Variants in ST6GALNAC3 observed in about 807,000 individuals in gnomAD.
The protein encoded by ST6GALNAC3 is ST6 N-acetylgalactosaminide alpha-2,6-sialyltransferase 3.
Under a neutral mutation model 32.7 loss-of-function variants are expected in ST6GALNAC3, and 25 were observed. The observed-to-expected ratio is 0.76, with a 90% CI of 0.56 to 1.07. ST6GALNAC3 has a LOEUF of 1.07. Among genes scored for constraint, ST6GALNAC3 ranks in the 50% least tolerant of loss-of-function variants. The pLI, the probability that ST6GALNAC3 is intolerant of heterozygous loss-of-function variation, is 0.00. For missense variants in ST6GALNAC3, 355 were observed against 382.4 expected (o/e 0.93, Z 0.60); for synonymous variants, 129 against 133.1 (o/e 0.97, Z 0.21).
chr1:76,077,262 T>A (rs563289358), intron 1 of ST6GALNAC3, among the ~76,000 whole-genome samples: 1 of 152,248 alleles, frequency 6.6e-6, no homozygotes, highest in East Asian at 1.9e-4. Flanking sequence ...TATGGACTTT[T>A]TTTTTTTTAA....
In ST6GALNAC3 at chr1:76,183,849, T is replaced by C. The variant is rs963752358; in HGVS notation, c.18+108965T>C. 1.9e-3 allele frequency among the ~76,000 whole-genome samples: 148 copies of C among 76,538 alleles called. 1 individual carries two copies. In the Middle Eastern group the frequency reaches 0.039, roughly 20 times the overall value. 50.2% of individuals were successfully genotyped at this position (76,538 alleles called of 152,430 possible). ...CTGTTGTTGACCAAAATGTAGTGCA[T>C]GAATATATATATATATATATATATG... On this transcript the variant is annotated intron_variant, in intron 1 of 4. Transcript: ENST00000328299.
intron 3 of ST6GALNAC3, among the ~76,000 whole-genome samples, chr1:76,467,732 G>A (rs989447260): frequency 6.6e-6 from 1 of 151,618 alleles, no homozygotes; most frequent in Non-Finnish European, 1.5e-5. Context: ...CCTATACTGT[G>A]CATTACTAAA....
chr1:76,195,856 T>A (rs1477704223), intron 1 of ST6GALNAC3, among the ~76,000 whole-genome samples: 2 of 151,812 alleles, frequency 1.3e-5, no homozygotes, highest in African/African-American at 4.8e-5. Flanking sequence ...GACTGTACAG[T>A]TCAAGAATTA....
At position 76,604,257 on chromosome 1, in the gene ST6GALNAC3, C is replaced by T. The variant is rs186633753; in HGVS notation, c.624-23195C>T. On this transcript the variant is annotated intron_variant, in intron 3 of 4. Coordinates refer to ENST00000328299, the MANE Select transcript of ST6GALNAC3 (RefSeq NM_152996.4). ...TCTCTAGAATATGTTCTGTGAAACACCAGACGTTAAAGGTTCTGTAATCAA... is the reference window on the plus strand; with the variant it reads ...TCTCTAGAATATGTTCTGTGAAACATCAGACGTTAAAGGTTCTGTAATCAA... Among the ~76,000 whole-genome samples, 195 of 152,246 alleles carry T rather than the reference C, an allele frequency of 1.3e-3. 2 individuals carry two copies. The South Asian group carries it at 0.023, about 18-fold the overall frequency.
intron 2 of ST6GALNAC3, among the ~76,000 whole-genome samples, chr1:76,399,618 T>C (rs963462567): frequency 6.6e-6 from 1 of 152,160 alleles, no homozygotes; most frequent in Admixed American, 6.5e-5. Context: ...AGAAATCTTG[T>C]GGTATTTGGG....
chr1:76,243,072 C>T (rs1401934125), intron 1 of ST6GALNAC3, among the ~76,000 whole-genome samples: 2 of 152,214 alleles, frequency 1.3e-5, no homozygotes, highest in Non-Finnish European at 2.9e-5. Context: ...TTCCCACCAA[C>T]AGTGTAAAAG....
intron 1 of ST6GALNAC3, among the ~76,000 whole-genome samples, chr1:76,208,896 GTC>G (rs1654983508): frequency 1.3e-5 from 2 of 151,990 alleles, no homozygotes; most frequent in Non-Finnish European, 2.9e-5. Flanking sequence ...ATTTTATAAG[GTC>G]TCTCTTGCTC....
intron 2 of ST6GALNAC3, among the ~76,000 whole-genome samples, chr1:76,397,145 G>T (rs1653028845): frequency 6.6e-6 from 1 of 152,012 alleles, no homozygotes; most frequent in African/African-American, 2.4e-5. Flanking sequence ...AGGAATGAAT[G>T]ACTCCAAAGC....
At chr1:76,565,480 C>A (rs748796032) in intron 3 of ST6GALNAC3, among the ~76,000 whole-genome samples, 4 of 152,124 alleles carry the variant, frequency 2.6e-5, no homozygotes, top group Non-Finnish European at 5.9e-5. Flanking sequence ...ATAGCAGGTC[C>A]TTCCGTTTTC....
chr1:76,124,608 C>T (rs551887586), intron 1 of ST6GALNAC3, among the ~76,000 whole-genome samples: 36 of 152,276 alleles, frequency 2.4e-4, no homozygotes, highest in African/African-American at 8.4e-4. Flanking sequence ...GCAACAAACA[C>T]GGGGTCAGCC....
chr1:76,303,670 T>G (rs1660864481), intron 1 of ST6GALNAC3, among the ~76,000 whole-genome samples: 1 of 152,096 alleles, frequency 6.6e-6, no homozygotes, highest in South Asian at 2.1e-4. Context: ...CATTCCATGA[T>G]ATAGGATTCT....
At chr1:76,493,483 T>A (rs903714042) in intron 3 of ST6GALNAC3, among the ~76,000 whole-genome samples, 3 of 152,238 alleles carry the variant, frequency 2.0e-5, no homozygotes, top group Non-Finnish European at 2.9e-5. Context: ...GATTTTGCAC[T>A]GTGATCTCAA....
chr1:76,126,821 G>C (rs144195252), intron 1 of ST6GALNAC3, among the ~76,000 whole-genome samples: 160 of 152,258 alleles, frequency 1.1e-3, no homozygotes, highest in African/African-American at 3.6e-3. Context: ...GGGCTTTCAG[G>C]CATCCCCAGG....
rs12407614 is a variant in ST6GALNAC3 at position 76,520,990 on chromosome 1, T to A, written c.624-106462T>A. On this transcript the variant is annotated intron_variant, in intron 3 of 4. Transcript: ENST00000328299. ...CCTACCTGATCTTTTTTAAATGCCT[T>A]TGGTTTTTCTTTCTTTTAGATTAAT... 3.8e-3 allele frequency among the ~76,000 whole-genome samples: 586 copies of A among 152,226 alleles called. 2 individuals carry two copies. The highest frequency in any genetic ancestry group is 0.013 in the African/African-American group (541 of 41,554).
chr1:76,482,553 CAACAATTTTT>C (rs1403182734), intron 3 of ST6GALNAC3, among the ~76,000 whole-genome samples: 2 of 152,104 alleles, frequency 1.3e-5, no homozygotes, highest in African/African-American at 2.4e-5. Context: ...GCATTTAATA[CAACAATTTTT>C]AACAATTTTT....
intron 1 of ST6GALNAC3, among the ~76,000 whole-genome samples, chr1:76,268,122 C>T (rs1323224701): frequency 6.6e-6 from 1 of 152,156 alleles, no homozygotes; most frequent in Non-Finnish European, 1.5e-5. Flanking sequence ...GCTCTTTGTT[C>T]CTCATTTTGA....
intron 3 of ST6GALNAC3, among the ~76,000 whole-genome samples, chr1:76,610,509 C>T (rs1366475662): frequency 1.3e-5 from 2 of 152,100 alleles, no homozygotes; most frequent in Non-Finnish European, 2.9e-5. Context: ...TATGTTGTCC[C>T]TGAGGCTGGG....
At chr1:76,152,308 G>A (rs4949623) in intron 1 of ST6GALNAC3, among the ~76,000 whole-genome samples, 101,767 of 152,046 alleles carry the variant, frequency 0.67, 35,395 homozygotes, top group East Asian at 0.92. Context: ...CCACCACCTT[G>A]ACACTGGCTT....
chr1:76,571,464 C>A (rs1037442418), intron 3 of ST6GALNAC3, among the ~76,000 whole-genome samples: 2 of 152,084 alleles, frequency 1.3e-5, no homozygotes, highest in Admixed American at 1.3e-4. Flanking sequence ...GATTTTATCA[C>A]AGACTGTAGG....
Sources: allele counts gnomAD v4.1 joint callset (sites outside exome capture counted in the v4.1 genomes callset), GRCh38; gene constraint gnomAD v4.1.1; transcripts MANE v1.5; gene names NCBI Gene and HGNC (gene_info 2026-07-23, HGNC 2026-07-21).